The following TRHDE variants were observed in gnomAD, a reference collection of about 807,000 sequenced individuals.
The protein encoded by TRHDE is thyrotropin-releasing hormone-degrading ectoenzyme.
TRHDE carries 72 observed loss-of-function variants against 125.7 expected under a neutral mutation model. The ratio of observed to expected loss-of-function variants is 0.57; its 90% CI spans 0.47 to 0.70. TRHDE has a LOEUF of 0.70. TRHDE is among the 30% of genes least tolerant of loss of function. TRHDE has a pLI of 0.00. For synonymous variants in TRHDE, 509 were observed against 509.1 expected, an observed-to-expected ratio of 1.00 and a Z score of 0.00; for missense variants, 1,110 against 1,327.1, an observed-to-expected ratio of 0.84 and a Z score of 2.54.
chr12:72,331,318 C>T (rs1869584966), intron 2 of TRHDE, among the ~76,000 whole-genome samples: 1 of 152,136 alleles, frequency 6.6e-6, no homozygotes, highest in African/African-American at 2.4e-5. Flanking sequence ...TTTCATATAG[C>T]TTGAGTCATA....
At chr12:72,516,739 G>A (rs1335977033) in intron 6 of TRHDE, among the ~76,000 whole-genome samples, 2 of 150,874 alleles carry the variant, frequency 1.3e-5, no homozygotes, top group African/African-American at 4.9e-5. Context: ...CAAAGGGAAT[G>A]CTTCCAGTTT....
intron 12 of TRHDE, among the ~76,000 whole-genome samples, chr12:72,595,615 G>A (rs1178695315): frequency 2.6e-5 from 4 of 151,940 alleles, no homozygotes; most frequent in African/African-American, 4.8e-5. Flanking sequence ...TAATTAAAAT[G>A]TGCAGTGGTT....
At chr12:72,521,390 C>T (rs1418374997) in intron 6 of TRHDE, among the ~76,000 whole-genome samples, 1 of 152,160 alleles carries the variant, frequency 6.6e-6, no homozygotes, top group Non-Finnish European at 1.5e-5. Flanking sequence ...AAGCGCTATG[C>T]CAAGGCTATC....
intron 12 of TRHDE, among the ~76,000 whole-genome samples, chr12:72,605,064 G>A (rs1235524633): frequency 6.6e-6 from 1 of 152,004 alleles, no homozygotes; most frequent in Non-Finnish European, 1.5e-5. Context: ...TTTGAATTTT[G>A]TGACACTGGA....
At chr12:72,259,207 T>G (rs1463728943) in intron 2 of TRHDE, among the ~76,000 whole-genome samples, 1 of 152,170 alleles carries the variant, frequency 6.6e-6, no homozygotes, top group Non-Finnish European at 1.5e-5. Context: ...ATTTATCTAT[T>G]TACTTACTAT....
chr12:72,606,681 C>T (rs1872458187), intron 12 of TRHDE, among the ~76,000 whole-genome samples: 1 of 151,880 alleles, frequency 6.6e-6, no homozygotes, highest in Non-Finnish European at 1.5e-5. Flanking sequence ...AGATTTAGAC[C>T]CTACTTTGTT....
chr12:72,659,009 T>A (rs1351252636), intron 18 of TRHDE, among the ~76,000 whole-genome samples: 1 of 152,212 alleles, frequency 6.6e-6, no homozygotes, highest in Non-Finnish European at 1.5e-5. Flanking sequence ...CATTCTACCA[T>A]AACCCATAAG....
chr12:72,513,964 G>A (rs1878715968), intron 6 of TRHDE, among the ~76,000 whole-genome samples: 2 of 152,012 alleles, frequency 1.3e-5, no homozygotes, highest in Admixed American at 1.3e-4. Context: ...AAGTAAAAAC[G>A]GAAAGAAAAT....
rs372570840 is a variant in TRHDE at position 72,433,006 on chromosome 12, A to G, written c.1316-36752A>G. Among the ~76,000 whole-genome samples the G allele has an allele frequency of 5.3e-5, 8 of 152,044 alleles. No individual in the cohort carries two copies. In the East Asian group the frequency reaches 9.6e-4, roughly 18 times the overall value. ...GTTACTACCTGTGTATTTTTTTATTATTATGAAAGGGTGCTAGATATTTTC... is the reference window on the plus strand; with the variant it reads ...GTTACTACCTGTGTATTTTTTTATTGTTATGAAAGGGTGCTAGATATTTTC... On this transcript the variant is annotated intron_variant, in intron 3 of 18. Transcript: ENST00000261180.
At chr12:72,540,333 C>T (rs1318798652) in intron 6 of TRHDE, among the ~76,000 whole-genome samples, 1 of 151,860 alleles carries the variant, frequency 6.6e-6, no homozygotes, top group Admixed American at 6.6e-5. Context: ...CTTTTGAATA[C>T]TGATTGTACT....
At chr12:72,358,020 A>C (rs1027503240) in intron 2 of TRHDE, among the ~76,000 whole-genome samples, 3 of 151,686 alleles carry the variant, frequency 2.0e-5, no homozygotes, top group African/African-American at 4.8e-5. Context: ...ATATTTAAAA[A>C]TTAATGAAAA....
intron 2 of TRHDE, among the ~76,000 whole-genome samples, chr12:72,210,171 G>GATCTATCTATCTATCTATCTATCT (rs3086840): frequency 6.8e-6 from 1 of 146,326 alleles, no homozygotes; most frequent in East Asian, 2.0e-4. Context: ...CTATAAGATT[G>GATCTATCTATCTATCTATCTATCT]ATCTATCTAT....
At chr12:72,261,582 T>G (rs1009739645) in intron 2 of TRHDE, among the ~76,000 whole-genome samples, 2 of 152,206 alleles carry the variant, frequency 1.3e-5, no homozygotes, top group African/African-American at 2.4e-5. Flanking sequence ...TTATTGTTCA[T>G]TAGTAAGCTC....
At chr12:72,553,714 C>G (rs1869783169) in intron 7 of TRHDE, among the ~76,000 whole-genome samples, 2 of 151,924 alleles carry the variant, frequency 1.3e-5, no homozygotes, top group Admixed American at 6.6e-5. Context: ...TTTTTCTTTT[C>G]TTTTTCTACC....
In TRHDE at chr12:72,656,997, G is replaced by T. The variant is rs1463367137; in HGVS notation, c.3055G>T (p.Glu1019Ter). 1.3e-6 allele frequency: 2 copies of T among 1,590,346 alleles called. No homozygotes were observed. The highest frequency in any genetic ancestry group is 8.6e-7 in the Non-Finnish European group (1 of 1,160,780). The change falls in exon 18 of 19, where the codon GAA becomes TAA. Residue 1019 changes from glutamate (E) to a stop codon, truncating the protein, a stop_gained. Transcript: ENST00000261180. LOFTEE classifies it high-confidence loss of function. ...GVTEFLNTEGELKELKNFMKN... is the reference protein window; with the variant it reads ...GVTEFLNTEG ...CACAGAATTTCTTAATACTGAAGGT[G>T]AACTCAAAGAGGTAAATATTTTAAG...
At chr12:72,640,167 G>A (rs966079722) in intron 15 of TRHDE, among the ~76,000 whole-genome samples, 30 of 152,342 alleles carry the variant, frequency 2.0e-4, no homozygotes, top group East Asian at 7.7e-4. Flanking sequence ...CTCCGTGGGC[G>A]TAGGACCCTC....
chr12:72,343,604 C>T (rs1254463388), intron 2 of TRHDE, among the ~76,000 whole-genome samples: 1 of 152,044 alleles, frequency 6.6e-6, no homozygotes, highest in East Asian at 1.9e-4. Flanking sequence ...GTGTTCTCTC[C>T]TGTTTATTAT....
At chr12:72,165,710 A>G (rs556220480) in intron 2 of TRHDE, among the ~76,000 whole-genome samples, 2 of 151,088 alleles carry the variant, frequency 1.3e-5, no homozygotes, top group South Asian at 4.2e-4. Context: ...GTCCTGCTCT[A>G]TCGCCCAGGC....
At chr12:72,488,181 G>A (rs1397758883) in intron 5 of TRHDE, among the ~76,000 whole-genome samples, 2 of 152,052 alleles carry the variant, frequency 1.3e-5, no homozygotes, top group African/African-American at 4.8e-5. Context: ...AACCTTGACT[G>A]TAAATGGCTT....
Sources: allele counts gnomAD v4.1 joint callset (sites outside exome capture counted in the v4.1 genomes callset), GRCh38; gene constraint gnomAD v4.1.1; transcripts MANE v1.5; gene names NCBI Gene and HGNC (gene_info 2026-07-23, HGNC 2026-07-21).